TBC1D32: variants seen among roughly 807,000 people sequenced by gnomAD.
TBC1D32 encodes TBC1 domain family member 32.
In TBC1D32, 151 loss-of-function variants were observed where a neutral mutation model predicts 170.3. The ratio of observed to expected loss-of-function variants is 0.89; its 90% CI spans 0.78 to 1.01. TBC1D32 has a LOEUF of 1.01. TBC1D32 is among the 50% of genes least tolerant of loss of function. The probability of loss-of-function intolerance (pLI) is 0.00; values close to 1 mark genes in which losing one functional copy is unlikely to be tolerated. For synonymous variants in TBC1D32, 498 were observed against 488.0 expected, an observed-to-expected ratio of 1.02 and a Z score of -0.27; for missense variants, 1,464 against 1,457.1, an observed-to-expected ratio of 1.00 and a Z score of -0.08.
chr6:121,170,168 C>T (rs954682107), intron 22 of TBC1D32, among the ~76,000 whole-genome samples: 94 of 152,116 alleles, frequency 6.2e-4, no homozygotes, highest in African/African-American at 1.9e-3. Context: ...CATACACACA[C>T]ACACACACAC....
intron 15 of TBC1D32, among the ~76,000 whole-genome samples, chr6:121,273,304 G>A (rs537556802): frequency 6.6e-6 from 1 of 151,252 alleles, no homozygotes; most frequent in Non-Finnish European, 1.5e-5. Flanking sequence ...GGAATACTAT[G>A]CAGCCATAAA....
At chr6:121,184,850 T>C (rs771826806) in intron 22 of TBC1D32, among the ~76,000 whole-genome samples, 1 of 152,008 alleles carries the variant, frequency 6.6e-6, no homozygotes, top group Non-Finnish European at 1.5e-5. Flanking sequence ...ACTTTGCACA[T>C]AATCCCATTC....
intron 31 of TBC1D32, among the ~76,000 whole-genome samples, chr6:121,090,089 C>A (rs571930961): frequency 1.3e-5 from 2 of 152,232 alleles, no homozygotes; most frequent in East Asian, 3.9e-4. Flanking sequence ...CCCGCCAACA[C>A]AGCCAGCTAA....
intron 1 of TBC1D32, among the ~76,000 whole-genome samples, chr6:121,325,527 G>A (rs1188529224): frequency 6.6e-6 from 1 of 152,150 alleles, no homozygotes; most frequent in African/African-American, 2.4e-5. Flanking sequence ...ATGGGGAAAG[G>A]ATTCCCTGTT....
intron 15 of TBC1D32, among the ~76,000 whole-genome samples, chr6:121,260,336 T>G: frequency 6.6e-6 from 1 of 152,026 alleles, no homozygotes; most frequent in East Asian, 1.9e-4. Flanking sequence ...TAAAAAGAAC[T>G]TACACTCAAA....
chr6:121,304,628 G>GA lies in TBC1D32; in HGVS notation c.770-4dup, dbSNP rs150140922. On this transcript the variant is annotated splice_polypyrimidine_tract_variant and splice_region_variant and intron_variant, in intron 6 of 31. Transcript: ENST00000398212. ...AAAGTATGACTCCAAATACTTAGCT[G>GA]AAAAAAAAGGGAAAACATAAAATTA... is the stretch of plus-strand genomic sequence containing the variant. 128,741 of 1,576,578 alleles carry GA rather than the reference G, an allele frequency of 0.082. 5,643 individuals carry two copies. Among genetic ancestry groups the GA allele is most frequent in the South Asian group, 0.15 (12,583 of 85,352 alleles).
chr6:121,135,969 T>C lies in TBC1D32; in HGVS notation c.2774-4217A>G, dbSNP rs748555011. Among the ~76,000 whole-genome samples, 23 of 152,182 alleles carry C rather than the reference T, an allele frequency of 1.5e-4. 1 individual carries two copies. In the South Asian group the frequency reaches 3.1e-3, roughly 21 times the overall value. ...CCACCAAAAAAATGTCCACCACTCC[T>C]TAAGGAAAGGCAACAAAATTTAGCA... is the stretch of plus-strand genomic sequence containing the variant. On this transcript the variant is annotated intron_variant, in intron 24 of 31. Transcript: ENST00000398212.
chr6:121,287,985 T>C (rs908742792), intron 12 of TBC1D32, among the ~76,000 whole-genome samples: 4 of 152,140 alleles, frequency 2.6e-5, no homozygotes, highest in African/African-American at 9.7e-5. Flanking sequence ...CCAGAATCTC[T>C]GGGACACATT....
intron 24 of TBC1D32, among the ~76,000 whole-genome samples, chr6:121,153,692 C>T (rs567792420): frequency 2.4e-4 from 36 of 152,230 alleles, no homozygotes; most frequent in Middle Eastern, 3.4e-3. Context: ...ATGCCCTGCC[C>T]GGAGAGGAGG....
chr6:121,256,405 G>A, intron 15 of TBC1D32, 120 bp from the exon 16 acceptor site: 1 of 782,316 alleles, frequency 1.3e-6, no homozygotes. Context: ...TCTCAGACAT[G>A]TCAATATTCA....
chr6:121,272,800 A>G (rs1801656967), intron 15 of TBC1D32, among the ~76,000 whole-genome samples: 1 of 152,252 alleles, frequency 6.6e-6, no homozygotes, highest in Non-Finnish European at 1.5e-5. Flanking sequence ...CTGTAAAGAC[A>G]CATGCACACG....
At chr6:121,233,557 G>A (rs951861738) in intron 20 of TBC1D32, among the ~76,000 whole-genome samples, 13 of 152,092 alleles carry the variant, frequency 8.5e-5, no homozygotes, top group African/African-American at 2.9e-4. Context: ...CCACTGCACG[G>A]AATATCTTTT....
chr6:121,090,833 C>G lies in TBC1D32; in HGVS notation c.3654+20G>C, dbSNP rs1776724547. 3 of 1,589,794 alleles carry G rather than the reference C, an allele frequency of 1.9e-6. No individual in the cohort carries two copies. The South Asian group carries it at 3.5e-5, about 18-fold the overall frequency. On this transcript the variant is annotated intron_variant, in intron 31 of 31. Coordinates refer to ENST00000398212, the MANE Select transcript of TBC1D32 (RefSeq NM_152730.6). ...TTAGCTATTAACTCAACATTTTCCTCTCCATATAAACATACTTACTTTTAG... is the reference window on the plus strand; with the variant it reads ...TTAGCTATTAACTCAACATTTTCCTGTCCATATAAACATACTTACTTTTAG...
chr6:121,205,177 A>G lies in TBC1D32; in HGVS notation c.2482-14T>C. On this transcript the variant is annotated splice_polypyrimidine_tract_variant and intron_variant, in intron 21 of 31. Coordinates refer to ENST00000398212, the MANE Select transcript of TBC1D32 (RefSeq NM_152730.6). Reference sequence around the variant, plus strand: ...ATCAATAATATCCTGAAAAAGACAGACAAAATGAGACTGTATTTAACTGAT... The same window carrying G: ...ATCAATAATATCCTGAAAAAGACAGGCAAAATGAGACTGTATTTAACTGAT... 1 of 1,231,030 alleles carries G rather than the reference A, an allele frequency of 8.1e-7. No individual in the cohort carries two copies. Among genetic ancestry groups the G allele is most frequent in the Non-Finnish European group, 1.1e-6 (1 of 880,736 alleles). The allele number at this position is 1,231,030 out of a possible 1,614,324, so 76.3% of individuals were successfully genotyped here. A position where few individuals can be genotyped will look rare whatever the true frequency, so the allele number is the denominator to read the frequency against.
At chr6:121,175,557 T>C (rs1458563858) in intron 22 of TBC1D32, among the ~76,000 whole-genome samples, 1 of 152,178 alleles carries the variant, frequency 6.6e-6, no homozygotes, top group Non-Finnish European at 1.5e-5. Context: ...CCTGATGTAA[T>C]TTATGACATC....
At chr6:121,227,633 C>T (rs1437443719) in intron 20 of TBC1D32, among the ~76,000 whole-genome samples, 6 of 151,866 alleles carry the variant, frequency 4.0e-5, no homozygotes, top group Admixed American at 1.3e-4. Flanking sequence ...AAACATTTAA[C>T]CAACTTTATG....
chr6:121,279,395 TGTCTGAAAAAAATG>T, intron 14 of TBC1D32, 150 bp from the exon 15 acceptor site: 1 of 911,036 alleles, frequency 1.1e-6, no homozygotes, highest in Non-Finnish European at 1.6e-6. Flanking sequence ...TGAAATAATA[TGTCTGAAAAAAATG>T]TGTTATTAGA....
intron 19 of TBC1D32, among the ~76,000 whole-genome samples, chr6:121,239,838 A>G (rs1479094224): frequency 6.6e-6 from 1 of 152,214 alleles, no homozygotes; most frequent in Non-Finnish European, 1.5e-5. Flanking sequence ...AAAAGTGTCA[A>G]ACACAACATT....
chr6:121,310,702 G>A (rs1808059087), intron 4 of TBC1D32, 77 bp downstream of exon 4: 1 of 934,562 alleles, frequency 1.1e-6, no homozygotes, highest in Admixed American at 2.2e-5. Context: ...AAACAACCTG[G>A]TTGCTACTGA....
Sources: gnomAD v4.1 joint callset for allele counts (sites outside exome capture counted in the v4.1 genomes callset) on GRCh38, gnomAD v4.1.1 for gene constraint, MANE v1.5 for transcripts, NCBI Gene and HGNC (gene_info 2026-07-23, HGNC 2026-07-21) for gene names.